NLGN1: variants seen among roughly 807,000 people sequenced by gnomAD.
The protein encoded by NLGN1 is neuroligin 1.
In NLGN1, 12 loss-of-function variants were observed where a neutral mutation model predicts 65.5. The observed-to-expected ratio is 0.18, with a 90% CI of 0.12 to 0.30. The LOEUF is 0.30. NLGN1 is among the 10% of genes least tolerant of loss of function. The pLI, the probability that NLGN1 is intolerant of heterozygous loss-of-function variation, is 1.00. For synonymous variants in NLGN1, 350 were observed against 359.5 expected, an observed-to-expected ratio of 0.97 and a Z score of 0.30; for missense variants, 750 against 1,007.1, an observed-to-expected ratio of 0.74 and a Z score of 3.46.
At chr3:173,577,949 A>G (rs1335089144) in intron 2 of NLGN1, among the ~76,000 whole-genome samples, 1 of 152,138 alleles carries the variant, frequency 6.6e-6, no homozygotes, top group Non-Finnish European at 1.5e-5. Flanking sequence ...AGAAGATGTC[A>G]TTTTAGGCCG....
At chr3:174,003,035 G>A (rs900569281) in intron 4 of NLGN1, among the ~76,000 whole-genome samples, 3 of 152,118 alleles carry the variant, frequency 2.0e-5, no homozygotes, top group Admixed American at 1.3e-4. Context: ...AAGGAAGATA[G>A]CAGAAAGTTG....
At chr3:173,975,976 T>TAC (rs1309633421) in intron 4 of NLGN1, among the ~76,000 whole-genome samples, 1 of 152,026 alleles carries the variant, frequency 6.6e-6, no homozygotes, top group Non-Finnish European at 1.5e-5. Flanking sequence ...AGATCTGCAA[T>TAC]ATATATTTAC....
chr3:173,831,781 T>G (rs570517261), intron 4 of NLGN1, among the ~76,000 whole-genome samples: 1 of 152,288 alleles, frequency 6.6e-6, no homozygotes, highest in African/African-American at 2.4e-5. Context: ...GATTTAGAAC[T>G]GGATGTTACA....
Position 173,806,521 on chromosome 3 carries a change from G to T in NLGN1, c.494-1159G>T, listed in dbSNP as rs376888374. Among the ~76,000 whole-genome samples, 31 of 152,066 alleles carry T rather than the reference G, an allele frequency of 2.0e-4. No homozygotes were observed. The East Asian group carries it at 3.9e-3, about 19-fold the overall frequency. On this transcript the variant is annotated intron_variant, in intron 3 of 6. Coordinates refer to ENST00000457714, the Ensembl canonical transcript of NLGN1. ...AAGATAATACATTTGATGTAATTTT[G>T]TTTCAATTGTGGGTATAAGAGATCA...
chr3:173,577,727 AC>A (rs1186576479), intron 2 of NLGN1, among the ~76,000 whole-genome samples: 11 of 152,216 alleles, frequency 7.2e-5, no homozygotes, highest in South Asian at 4.1e-4. Context: ...ACAAGCAAAA[AC>A]AAACTCTAAA....
At chr3:174,106,399 A>C (rs1470512353) in intron 4 of NLGN1, among the ~76,000 whole-genome samples, 1 of 152,068 alleles carries the variant, frequency 6.6e-6, no homozygotes, top group East Asian at 1.9e-4. Flanking sequence ...GCAAAAACAC[A>C]AGGATGTTCC....
At chr3:173,892,518 T>G (rs775188582) in intron 4 of NLGN1, among the ~76,000 whole-genome samples, 1 of 151,392 alleles carries the variant, frequency 6.6e-6, no homozygotes, top group Non-Finnish European at 1.5e-5. Context: ...AGTAGATCAC[T>G]TCTTGCAGGC....
At chr3:173,883,601 T>C (rs1174534076) in intron 4 of NLGN1, among the ~76,000 whole-genome samples, 1 of 152,136 alleles carries the variant, frequency 6.6e-6, no homozygotes, top group Non-Finnish European at 1.5e-5. Context: ...CTGCAATATC[T>C]ACAAAGTGCA....
chr3:174,274,142 T>TAATC (rs1293002815), intron 4 of NLGN1, among the ~76,000 whole-genome samples: 1 of 151,594 alleles, frequency 6.6e-6, no homozygotes, highest in Non-Finnish European at 1.5e-5. Context: ...TCCCTTAATA[T>TAATC]AATCAATTTA....
chr3:173,808,492 G>A (rs1469163691), intron 4 of NLGN1, among the ~76,000 whole-genome samples: 1 of 151,980 alleles, frequency 6.6e-6, no homozygotes, highest in South Asian at 2.1e-4. Flanking sequence ...AATAACTTAG[G>A]TATTCTGAGA....
chr3:173,998,225 C>G (rs1722643995), intron 4 of NLGN1, among the ~76,000 whole-genome samples: 1 of 152,158 alleles, frequency 6.6e-6, no homozygotes, highest in African/African-American at 2.4e-5. Flanking sequence ...TCATTCTGTT[C>G]ACCTCATCCA....
intron 2 of NLGN1, among the ~76,000 whole-genome samples, chr3:173,593,655 A>C (rs1748933814): frequency 6.6e-6 from 1 of 152,202 alleles, no homozygotes; most frequent in South Asian, 2.1e-4. Context: ...TTCTCCAGGA[A>C]GAACAATCTT....
chr3:173,400,255 A>G (rs147336741), intron 1 of NLGN1, among the ~76,000 whole-genome samples: 2,431 of 152,160 alleles, frequency 0.016, 43 homozygotes, highest in Non-Finnish European at 0.023. Flanking sequence ...ACTTAATATT[A>G]TTATTATTAT....
At chr3:174,063,155 A>T (rs1737773669) in intron 4 of NLGN1, among the ~76,000 whole-genome samples, 1 of 152,182 alleles carries the variant, frequency 6.6e-6, no homozygotes, top group Non-Finnish European at 1.5e-5. Flanking sequence ...AATACAGCTG[A>T]TCTCTCATGA....
chr3:173,950,114 A>G (rs1292684218), intron 4 of NLGN1, among the ~76,000 whole-genome samples: 1 of 152,110 alleles, frequency 6.6e-6, no homozygotes, highest in Non-Finnish European at 1.5e-5. Flanking sequence ...GTTTTTCTTT[A>G]TTATCTATAA....
At chr3:173,535,846 A>G (rs1010002120) in intron 2 of NLGN1, among the ~76,000 whole-genome samples, 2 of 152,226 alleles carry the variant, frequency 1.3e-5, no homozygotes, top group African/African-American at 2.4e-5. Context: ...AAGGCACATG[A>G]TTTAAATACA....
At chr3:173,528,260 CT>C (rs1390078709) in intron 2 of NLGN1, among the ~76,000 whole-genome samples, 1 of 152,104 alleles carries the variant, frequency 6.6e-6, no homozygotes, top group African/African-American at 2.4e-5. Flanking sequence ...AAAATTTTTT[CT>C]TTAAGGAGGC....
intron 4 of NLGN1, among the ~76,000 whole-genome samples, chr3:174,075,969 G>A (rs1202578275): frequency 6.6e-6 from 1 of 152,074 alleles, no homozygotes; most frequent in African/African-American, 2.4e-5. Flanking sequence ...ATCTGACTAA[G>A]TAATTAAACT....
At chr3:173,435,695 C>T (rs1464927126) in intron 2 of NLGN1, among the ~76,000 whole-genome samples, 3 of 152,046 alleles carry the variant, frequency 2.0e-5, no homozygotes, top group Middle Eastern at 3.4e-3. Context: ...ATTAGCCAGG[C>T]GTGGCAGTGC....
Sources: allele counts gnomAD v4.1 joint callset (sites outside exome capture counted in the v4.1 genomes callset), GRCh38; gene constraint gnomAD v4.1.1; transcripts MANE v1.5; gene names NCBI Gene and HGNC (gene_info 2026-07-23, HGNC 2026-07-21).